The following SFMBT2 variants were observed in gnomAD, a reference collection of about 807,000 sequenced individuals.
SFMBT2 encodes Scm like with four mbt domains 2.
A neutral mutation model predicts 110.1 loss-of-function variants in SFMBT2; 38 were observed. That is an observed-to-expected ratio of 0.35 (90% CI 0.27 to 0.45). The LOEUF (loss-of-function observed/expected upper bound fraction) is 0.45, where lower values mean the gene tolerates loss of function less well. Among genes scored for constraint, SFMBT2 ranks in the 20% least tolerant of loss-of-function variants. SFMBT2 has a pLI of 1.00. For missense variants in SFMBT2, 1,011 were observed against 1,094.9 expected (o/e 0.92, Z 1.08); for synonymous variants, 425 against 425.4 (o/e 1.00, Z 0.01).
chr10:7,245,657 A>G (rs756321217), intron 8 of SFMBT2, among the ~76,000 whole-genome samples: 1 of 152,242 alleles, frequency 6.6e-6, no homozygotes, highest in Non-Finnish European at 1.5e-5. Context: ...CAAGGCTTCT[A>G]ATGCCAGTAT....
In SFMBT2 at chr10:7,188,595, C is replaced by T. The variant is rs140022376; in HGVS notation, c.1808+29G>A. ...TAGCATGGGGAAGTATTACAAAAAC[C>T]CTTGCTTTCCAGAATTGAAAACACT... On this transcript the variant is annotated intron_variant, in intron 16 of 20. Transcript: ENST00000397167. The T allele has an allele frequency of 2.5e-4, 390 of 1,576,830 alleles. 2 individuals are homozygous for T. In the African/African-American group the frequency reaches 4.5e-3, roughly 18 times the overall value.
chr10:7,367,987 A>G lies in SFMBT2; in HGVS notation c.196-98T>C. ...CTAAAAAATATGGCACTTACAAACA[A>G]TATTCCTGTTGCTCTAAAACAGGCA... On this transcript the variant is annotated intron_variant, in intron 3 of 20. Coordinates refer to ENST00000397167, the MANE Select transcript of SFMBT2 (RefSeq NM_001387889.1). The surrounding 1 kb of genome is among the most constrained non-coding windows in gnomAD (Gnocchi z 6.2). The G allele has an allele frequency of 6.8e-7, 1 of 1,476,352 alleles. No homozygotes were observed. Among genetic ancestry groups the G allele is most frequent in the Non-Finnish European group, 9.1e-7 (1 of 1,100,640 alleles). 91.5% of individuals were successfully genotyped at this position (1,476,352 alleles called of 1,614,324 possible). A position where few individuals can be genotyped will look rare whatever the true frequency, so the allele number is the denominator to read the frequency against.
At chr10:7,191,618 C>G (rs1206372016) in intron 15 of SFMBT2, among the ~76,000 whole-genome samples, 1 of 152,230 alleles carries the variant, frequency 6.6e-6, no homozygotes, top group Admixed American at 6.5e-5. Flanking sequence ...TCCCTTCATT[C>G]TCTGGCCTCT....
At chr10:7,306,324 A>G (rs896150418) in intron 4 of SFMBT2, among the ~76,000 whole-genome samples, 26 of 152,346 alleles carry the variant, frequency 1.7e-4, no homozygotes, top group African/African-American at 6.0e-4. Context: ...TCACATTTTT[A>G]AATGGTTGGA....
At chr10:7,348,304 C>G (rs1284742680) in intron 4 of SFMBT2, 2 of 1,530,402 alleles carry the variant, frequency 1.3e-6, no homozygotes, top group Admixed American at 4.3e-5. Flanking sequence ...ATATGTTGAA[C>G]AGAAGCTGAT....
At chr10:7,400,960 C>T (rs1846065752) in intron 1 of SFMBT2, among the ~76,000 whole-genome samples, 1 of 152,148 alleles carries the variant, frequency 6.6e-6, no homozygotes, top group South Asian at 2.1e-4. Context: ...TGGTGAAACC[C>T]CGTCTCTACT....
At chr10:7,364,781 T>G (rs927080064) in intron 4 of SFMBT2, among the ~76,000 whole-genome samples, 1 of 152,178 alleles carries the variant, frequency 6.6e-6, no homozygotes, top group African/African-American at 2.4e-5. Flanking sequence ...CCCCCAAGTG[T>G]GTACACGGCC....
chr10:7,378,537 T>TGG (rs146576653), intron 2 of SFMBT2, among the ~76,000 whole-genome samples: 11,771 of 22,722 alleles, frequency 0.52, 4,711 homozygotes, highest in East Asian at 0.62. Flanking sequence ...TATGAGTGTG[T>TGG]GGGGGGGTGT....
At chr10:7,333,390 A>AT (rs1843619218) in intron 4 of SFMBT2, among the ~76,000 whole-genome samples, 2 of 135,890 alleles carry the variant, frequency 1.5e-5, no homozygotes, top group Non-Finnish European at 3.1e-5. Context: ...TTTGAGGCTT[A>AT]CCTTTTTTTT....
chr10:7,343,946 G>C (rs1402087262), intron 4 of SFMBT2, among the ~76,000 whole-genome samples: 4 of 152,130 alleles, frequency 2.6e-5, no homozygotes, highest in African/African-American at 9.7e-5. Flanking sequence ...GAGATGAGAA[G>C]AGAAAATATT....
intron 20 of SFMBT2, among the ~76,000 whole-genome samples, chr10:7,168,923 A>C (rs1837783700): frequency 6.6e-6 from 1 of 152,112 alleles, no homozygotes; most frequent in African/African-American, 2.4e-5. Flanking sequence ...GAAGGTGAGG[A>C]GGTGACTCCC....
chr10:7,290,280 G>T lies in SFMBT2; in HGVS notation c.437-4326C>A, dbSNP rs569285749. Reference sequence around the variant, plus strand: ...AAGAAACAAAAAAAAAAAAAAGAAAGAAACTTCTACCACATTCTCATGAAC... The same window carrying T: ...AAGAAACAAAAAAAAAAAAAAGAAATAAACTTCTACCACATTCTCATGAAC... On this transcript the variant is annotated intron_variant, in intron 4 of 20. Transcript: ENST00000397167. Among the ~76,000 whole-genome samples the T allele has an allele frequency of 2.1e-4, 32 of 149,478 alleles. No individual in the cohort carries two copies. In the South Asian group the frequency reaches 6.7e-3, roughly 31 times the overall value.
At chr10:7,374,276 A>G (rs1013340695) in intron 2 of SFMBT2, among the ~76,000 whole-genome samples, 1 of 152,024 alleles carries the variant, frequency 6.6e-6, no homozygotes, top group Non-Finnish European at 1.5e-5. Context: ...AAACAAAACA[A>G]AAAAAAGGAA....
intron 7 of SFMBT2, among the ~76,000 whole-genome samples, chr10:7,276,482 A>T (rs984925509): frequency 1.5e-5 from 2 of 130,302 alleles, no homozygotes; most frequent in Non-Finnish European, 3.2e-5. Context: ...TTAAAATGGA[A>T]ACTGGTTAAG....
intron 20 of SFMBT2, among the ~76,000 whole-genome samples, chr10:7,168,068 CA>C (rs111860362): frequency 2.8e-4 from 40 of 145,270 alleles, no homozygotes; most frequent in Non-Finnish European, 2.9e-4. Context: ...AACTCCATCT[CA>C]AAAAAAAAAA....
chr10:7,165,793 A>G (rs962933294), intron 20 of SFMBT2, among the ~76,000 whole-genome samples: 2 of 152,246 alleles, frequency 1.3e-5, no homozygotes, highest in African/African-American at 4.8e-5. Flanking sequence ...CCCTTGCTCT[A>G]TAGTGCTCAT....
chr10:7,226,448 G>C (rs1377920686), intron 10 of SFMBT2, among the ~76,000 whole-genome samples: 1 of 152,202 alleles, frequency 6.6e-6, no homozygotes, highest in Non-Finnish European at 1.5e-5. Context: ...GTTATGTCTA[G>C]AGTGCAATGA....
In SFMBT2 at chr10:7,163,705, T is replaced by C; in HGVS notation, c.*65A>G. The stretch of plus-strand genomic sequence containing the variant: ...TAACATATCCCGGAAAATCAAAGTT[T>C]CAGTCCTGGAAACCTTTACCAACAC... On this transcript the variant is annotated 3_prime_UTR_variant, in exon 21 of 21. Transcript: ENST00000397167. The surrounding 1 kb of genome is among the most constrained non-coding windows in gnomAD (Gnocchi z 4.8). 6.9e-7 allele frequency: 1 copy of C among 1,440,160 alleles called. No individual in the cohort carries two copies. Among genetic ancestry groups the C allele is most frequent in the African/African-American group, 1.4e-5 (1 of 70,922 alleles). 89.2% of individuals were successfully genotyped at this position (1,440,160 alleles called of 1,614,324 possible).
chr10:7,286,894 C>T (rs535633335), intron 4 of SFMBT2, among the ~76,000 whole-genome samples: 16 of 152,010 alleles, frequency 1.1e-4, no homozygotes, highest in Non-Finnish European at 1.6e-4. Flanking sequence ...TCAACATAGA[C>T]GCTTAACAAA....
Sources: gnomAD v4.1 joint callset for allele counts (sites outside exome capture counted in the v4.1 genomes callset) on GRCh38, gnomAD v4.1.1 for gene constraint, Gnocchi (gnomAD v3.1) non-coding constraint, MANE v1.5 for transcripts, NCBI Gene and HGNC (gene_info 2026-07-23, HGNC 2026-07-21) for gene names.